The following MAD1L1 variants were observed in gnomAD, a reference collection of about 807,000 sequenced individuals.
MAD1L1 encodes the protein mitotic arrest deficient 1 like 1.
MAD1L1 carries 95 observed loss-of-function variants against 96.9 expected under a neutral mutation model. That is an observed-to-expected ratio of 0.98 (90% CI 0.83 to 1.16). MAD1L1 has a LOEUF of 1.16. Among genes scored for constraint, MAD1L1 ranks in the 50% most tolerant of loss-of-function variants. The pLI, the probability that MAD1L1 is intolerant of heterozygous loss-of-function variation, is 0.00. For missense variants in MAD1L1, 1,007 were observed against 954.4 expected, an observed-to-expected ratio of 1.06 and a Z score of -0.73; for synonymous variants, 473 against 396.6, an observed-to-expected ratio of 1.19 and a Z score of -2.29.
intron 12 of MAD1L1, among the ~76,000 whole-genome samples, chr7:2,059,633 C>T (rs1302338075): frequency 1.0e-5 from 1 of 97,446 alleles, no homozygotes; most frequent in South Asian, 3.6e-4. Flanking sequence ...AGAGGAGAGG[C>T]GCGGGGCTGG....
At chr7:1,870,533 C>T (rs549886461) in intron 18 of MAD1L1, among the ~76,000 whole-genome samples, 3 of 139,702 alleles carry the variant, frequency 2.1e-5, no homozygotes, top group Admixed American at 7.3e-5. Flanking sequence ...AAGCCTGCCA[C>T]GCTGAACCGA....
chr7:1,825,135 C>G (rs969688346), intron 18 of MAD1L1, among the ~76,000 whole-genome samples: 2 of 152,238 alleles, frequency 1.3e-5, no homozygotes, highest in Non-Finnish European at 1.5e-5. Flanking sequence ...TAAATTATAT[C>G]TGCAAGAGCG....
intron 18 of MAD1L1, among the ~76,000 whole-genome samples, chr7:1,877,291 C>CA (rs1785434508): frequency 6.6e-6 from 1 of 152,016 alleles, no homozygotes; most frequent in South Asian, 2.1e-4. Context: ...TGTGCTACAA[C>CA]AGCAGAGGTG....
At chr7:2,169,196 G>A (rs1423307381) in intron 10 of MAD1L1, among the ~76,000 whole-genome samples, 4 of 152,124 alleles carry the variant, frequency 2.6e-5, no homozygotes, top group Admixed American at 6.5e-5. Flanking sequence ...CTACACATTC[G>A]CCTGCAGGAC....
intron 12 of MAD1L1, among the ~76,000 whole-genome samples, chr7:2,064,571 T>C (rs1784797983): frequency 6.6e-6 from 1 of 152,042 alleles, no homozygotes; most frequent in Non-Finnish European, 1.5e-5. Context: ...CAGAGGATTC[T>C]CCTAGGAGGA....
At chr7:2,069,610 G>A (rs910534846) in intron 11 of MAD1L1, among the ~76,000 whole-genome samples, 11 of 152,250 alleles carry the variant, frequency 7.2e-5, no homozygotes, top group South Asian at 2.1e-4. Flanking sequence ...TGTCGGCGAC[G>A]CAGCCCTTCA....
chr7:1,841,089 G>T (rs550725614), intron 18 of MAD1L1, among the ~76,000 whole-genome samples: 1 of 152,214 alleles, frequency 6.6e-6, no homozygotes, highest in Admixed American at 6.5e-5. Context: ...CTACTCTGTG[G>T]GGGGCAGGTG....
chr7:2,102,379 C>A (rs1169265502), intron 11 of MAD1L1, among the ~76,000 whole-genome samples: 1 of 151,824 alleles, frequency 6.6e-6, no homozygotes, highest in Non-Finnish European at 1.5e-5. Flanking sequence ...ACCACCGTCA[C>A]CATCACCACC....
chr7:1,845,167 C>G (rs984549169), intron 18 of MAD1L1: 1 of 152,310 alleles, frequency 6.6e-6, no homozygotes, highest in Non-Finnish European at 1.5e-5. Flanking sequence ...CTACTTGACA[C>G]CTGGCACAGC....
chr7:2,211,965 C>A (rs1278573345), intron 10 of MAD1L1, among the ~76,000 whole-genome samples: 2 of 152,224 alleles, frequency 1.3e-5, no homozygotes, highest in African/African-American at 4.8e-5. Context: ...GCCTCGGCAC[C>A]AGCACCTCGG....
intron 18 of MAD1L1, among the ~76,000 whole-genome samples, chr7:1,882,968 G>T: frequency 7.7e-6 from 1 of 129,210 alleles, no homozygotes; most frequent in Non-Finnish European, 1.6e-5. Context: ...AACGACTCCA[G>T]GAACCAGCTC....
At chr7:1,958,456 C>A (rs1024522564) in intron 15 of MAD1L1, among the ~76,000 whole-genome samples, 1 of 152,158 alleles carries the variant, frequency 6.6e-6, no homozygotes, top group Non-Finnish European at 1.5e-5. Context: ...TACTCGACAC[C>A]GCACAGGGAC....
chr7:1,917,955 T>C (rs930695961), intron 17 of MAD1L1, among the ~76,000 whole-genome samples: 1 of 152,124 alleles, frequency 6.6e-6, no homozygotes, highest in Non-Finnish European at 1.5e-5. Context: ...CCCCACCCTG[T>C]GGTTCAGCCC....
chr7:1,871,947 C>A (rs1465953381), intron 18 of MAD1L1, among the ~76,000 whole-genome samples: 1 of 152,174 alleles, frequency 6.6e-6, no homozygotes, highest in African/African-American at 2.4e-5. Flanking sequence ...TGGCTCAGAG[C>A]CCACAGGACA....
At chr7:1,915,613 C>T (rs1269057027) in intron 17 of MAD1L1, among the ~76,000 whole-genome samples, 2 of 152,212 alleles carry the variant, frequency 1.3e-5, no homozygotes, top group Non-Finnish European at 2.9e-5. Flanking sequence ...GGGACTGCTG[C>T]GGGTACAAGC....
intron 16 of MAD1L1, among the ~76,000 whole-genome samples, chr7:1,950,656 C>T (rs952606244): frequency 3.3e-5 from 5 of 152,238 alleles, no homozygotes; most frequent in Non-Finnish European, 5.9e-5. Flanking sequence ...GCAGCTCTCA[C>T]CTCCTCCCCT....
chr7:1,983,630 C>A (rs528070483), intron 14 of MAD1L1, among the ~76,000 whole-genome samples: 17 of 152,150 alleles, frequency 1.1e-4, no homozygotes, highest in Non-Finnish European at 2.2e-4. Context: ...ACATAATTTA[C>A]ACGCAGTAAA....
intron 10 of MAD1L1, among the ~76,000 whole-genome samples, chr7:2,173,153 T>C (rs1322043644): frequency 6.6e-6 from 1 of 152,208 alleles, no homozygotes; most frequent in East Asian, 1.9e-4. Flanking sequence ...GCAAACACTC[T>C]AAGTTATTTG....
chr7:1,967,508 C>T (rs550868499), intron 15 of MAD1L1, among the ~76,000 whole-genome samples: 1 of 152,328 alleles, frequency 6.6e-6, no homozygotes, highest in South Asian at 2.1e-4. Flanking sequence ...ATTTACAGCA[C>T]GCAAACACTA....
Sources: gnomAD v4.1 joint callset for allele counts (sites outside exome capture counted in the v4.1 genomes callset) on GRCh38, gnomAD v4.1.1 for gene constraint, MANE v1.5 for transcripts, NCBI Gene and HGNC (gene_info 2026-07-23, HGNC 2026-07-21) for gene names.